RGMB: variants seen among roughly 807,000 people sequenced by gnomAD.
The protein encoded by RGMB is repulsive guidance molecule B.
Under a neutral mutation model 26.9 loss-of-function variants are expected in RGMB, and 16 were observed. The ratio of observed to expected loss-of-function variants is 0.60; its 90% CI spans 0.40 to 0.90. The LOEUF (loss-of-function observed/expected upper bound fraction) is 0.90. Among genes scored for constraint, RGMB ranks in the 40% least tolerant of loss-of-function variants. The pLI is 0.00. For missense variants in RGMB, 512 were observed against 573.3 expected, an observed-to-expected ratio of 0.89 and a Z score of 1.09; for synonymous variants, 225 against 229.3, an observed-to-expected ratio of 0.98 and a Z score of 0.17.
upstream of RGMB, chr5:98,770,724 G>A (rs1746133459): frequency 2.5e-6 from 3 of 1,184,608 alleles, no homozygotes; most frequent in Non-Finnish European, 3.4e-6. Flanking sequence ...CCTCTTCCAA[G>A]TTGTACTTTC....
intron 2 of RGMB, among the ~76,000 whole-genome samples, chr5:98,781,811 T>G (rs917549431): frequency 1.3e-5 from 2 of 152,224 alleles, no homozygotes; most frequent in Admixed American, 6.5e-5. Flanking sequence ...TGTTACTGAT[T>G]ATGGTGAAAA....
At chr5:98,769,626 G>A (rs1239206243), upstream of RGMB, 2 of 152,846 alleles carry the variant, frequency 1.3e-5, no homozygotes, top group Non-Finnish European at 2.9e-5. Context: ...AATGCCTGTG[G>A]TGAGTTGTTT....
chr5:98,781,504 T>C (rs192721882), intron 2 of RGMB, among the ~76,000 whole-genome samples: 1 of 152,292 alleles, frequency 6.6e-6, no homozygotes, highest in East Asian at 1.9e-4. Flanking sequence ...TATGAAGTTA[T>C]AAGAGAAACG....
At position 98,793,529 on chromosome 5, in the gene RGMB, G is replaced by A. The variant is rs1341083335; in HGVS notation, c.1090G>A (p.Val364Met). 5 of 1,613,884 alleles carry A rather than the reference G, an allele frequency of 3.1e-6. No individual in the cohort carries two copies. The highest frequency in any genetic ancestry group is 2.7e-5 in the African/African-American group (2 of 74,950). The change falls in exon 3 of 3, where the codon GTG becomes ATG. Residue 364 changes from valine to methionine, a missense_variant. Physicochemically the swap from Val to Met is conservative, Grantham distance 21. Transcript: ENST00000513185. ...ANTQCHEKMP[V>M]KDIYFQSCVF... Reference sequence around the variant, plus strand: ...CACTCAATGCCATGAGAAGATGCCAGTGAAGGACATCTATTTCCAGTCCTG... The same window carrying A: ...CACTCAATGCCATGAGAAGATGCCAATGAAGGACATCTATTTCCAGTCCTG...
chr5:98,788,681 C>T (rs765463042), intron 2 of RGMB, among the ~76,000 whole-genome samples: 4 of 152,144 alleles, frequency 2.6e-5, no homozygotes, highest in Non-Finnish European at 4.4e-5. Flanking sequence ...ATTACCCTGG[C>T]GGGTAGGGAG....
At position 98,796,334 on chromosome 5, in the gene RGMB, G is replaced by T. The variant is rs1255446358; in HGVS notation, c.*2581G>T. The T allele has an allele frequency of 1.3e-5, 1 of 79,452 alleles. No individual in the cohort carries two copies. 4.9% of individuals were successfully genotyped at this position (79,452 alleles called of 1,614,324 possible). On this transcript the variant is annotated 3_prime_UTR_variant, in exon 3 of 3. Transcript: ENST00000513185. ...TTTGTCCTCTTTGTTATGCTTGGAA[G>T]CTCCCCCCCCCCCAACAGTGTGTCG...
At position 98,793,989 on chromosome 5, in the gene RGMB, A is replaced by T. The variant is rs1410720716; in HGVS notation, c.*236A>T. On this transcript the variant is annotated 3_prime_UTR_variant, in exon 3 of 3. Transcript: ENST00000513185. ...TTTGCAGTTCTGTGAAATGTTTTAT[A>T]ATGTCCCTGCCCAGGGACCTGTTAG... 2.4e-6 allele frequency: 1 copy of T among 419,302 alleles called. No homozygotes were observed. The highest frequency in any genetic ancestry group is 4.2e-6 in the Non-Finnish European group (1 of 239,082). 26.0% of individuals were successfully genotyped at this position (419,302 alleles called of 1,614,324 possible). A position where few individuals can be genotyped will look rare whatever the true frequency, so the allele number is the denominator to read the frequency against.
At chr5:98,780,240 T>G in intron 2 of RGMB, 152 bp downstream of exon 2, 1 of 647,132 alleles carries the variant, frequency 1.5e-6, no homozygotes, top group Non-Finnish European at 2.6e-6. Context: ...TAAATAAAAA[T>G]TATCTAGTAA....
Position 98,779,561 on chromosome 5 carries a change from C to G in RGMB, c.137-19C>G, listed in dbSNP as rs781555282. On this transcript the variant is annotated intron_variant, in intron 1 of 2. Coordinates refer to ENST00000513185, the MANE Select transcript of RGMB (RefSeq NM_001366508.1). ...TATGAAGAGTTTACAAATGTTTGGT[C>G]TTATCTTCTTTCCCATAGGTGACTG... is the stretch of plus-strand genomic sequence containing the variant. The G allele has an allele frequency of 7.3e-6, 11 of 1,504,562 alleles. No homozygotes were observed. Among genetic ancestry groups the G allele is most frequent in the Non-Finnish European group, 9.8e-6 (11 of 1,126,918 alleles). 93.2% of individuals were successfully genotyped at this position (1,504,562 alleles called of 1,614,324 possible). A position where few individuals can be genotyped will look rare whatever the true frequency, so the allele number is the denominator to read the frequency against.
intron 2 of RGMB, chr5:98,792,771 TAA>T (rs5869833): frequency 5.8e-3 from 706 of 121,822 alleles, no homozygotes; most frequent in South Asian, 0.013. Context: ...CCCTGTCACT[TAA>T]AAAAAAAAAA....
chr5:98,781,283 C>T (rs765129618), intron 2 of RGMB: 2 of 152,174 alleles, frequency 1.3e-5, no homozygotes, highest in Non-Finnish European at 2.9e-5. Flanking sequence ...TAATCAAAGA[C>T]GACTGTTACA....
rs757815003 is a variant in RGMB at position 98,793,499 on chromosome 5, G to T, written c.1060G>T (p.Ala354Ser). Residue 354 changes from alanine to serine, a missense_variant, in exon 3 of 3, where the codon GCC (alanine) becomes TCC (serine). By Grantham distance (99) the Ala-to-Ser change is moderately conservative. Transcript: ENST00000513185. ...QAWPGYTLET[A>S]NTQCHEKMPV... ...CTGGCCTGGCTACACACTGGAGACTGCCAACACTCAATGCCATGAGAAGAT... is the reference window on the plus strand; with the variant it reads ...CTGGCCTGGCTACACACTGGAGACTTCCAACACTCAATGCCATGAGAAGAT... 1.4e-5 allele frequency: 23 copies of T among 1,613,668 alleles called. No individual in the cohort carries two copies. In the South Asian group the frequency reaches 2.5e-4, roughly 18 times the overall value.
intron 2 of RGMB, among the ~76,000 whole-genome samples, chr5:98,790,275 C>A (rs59534281): frequency 2.1e-3 from 326 of 152,284 alleles, no homozygotes; most frequent in African/African-American, 7.6e-3. Flanking sequence ...TCAATTCACC[C>A]CCCTCAGCAT....
At chr5:98,774,530 G>A (rs543442984) in intron 1 of RGMB, among the ~76,000 whole-genome samples, 40 of 152,330 alleles carry the variant, frequency 2.6e-4, no homozygotes, top group African/African-American at 9.4e-4. Context: ...TGTTCCGGAT[G>A]CTTTATTGCT....
chr5:98,793,077 TC>T lies in RGMB; in HGVS notation c.646-5del. The T allele has an allele frequency of 1.3e-6, 2 of 1,586,544 alleles. No individual in the cohort carries two copies. The highest frequency in any genetic ancestry group is 1.7e-6 in the Non-Finnish European group (2 of 1,162,106). On this transcript the variant is annotated splice_region_variant and splice_polypyrimidine_tract_variant and intron_variant, in intron 2 of 2. Transcript: ENST00000513185. The stretch of plus-strand genomic sequence containing the variant: ...TCTGTTAAACCTTGTACATGCTCCT[TC>T]CCACAGATCACTATTATCTTCAAAG...
upstream of RGMB, chr5:98,773,621 G>T: frequency 3.5e-6 from 1 of 283,446 alleles, no homozygotes; most frequent in East Asian, 6.0e-5. Flanking sequence ...GGGGCGGGAC[G>T]GCAGTGCGGG....
At chr5:98,771,656 C>A (rs1428491174), upstream of RGMB, 2 of 152,288 alleles carry the variant, frequency 1.3e-5, no homozygotes, top group East Asian at 3.9e-4. Flanking sequence ...AATAAAGCAC[C>A]TTATAGAGAT....
intron 1 of RGMB, among the ~76,000 whole-genome samples, chr5:98,774,564 G>A (rs1191395408): frequency 6.6e-6 from 1 of 152,200 alleles, no homozygotes; most frequent in Non-Finnish European, 1.5e-5. Context: ...TTTACTGAAA[G>A]TCAGGCTCGG....
chr5:98,769,580 T>C (rs1274280568), upstream of RGMB: 2 of 152,436 alleles, frequency 1.3e-5, no homozygotes, highest in African/African-American at 2.4e-5. Flanking sequence ...TGCGGCTTAT[T>C]TTCCCAGCTG....
Sources: gnomAD v4.1 joint callset for allele counts (sites outside exome capture counted in the v4.1 genomes callset) on GRCh38, gnomAD v4.1.1 for gene constraint, MANE v1.5 for transcripts, NCBI Gene and HGNC (gene_info 2026-07-23, HGNC 2026-07-21) for gene names.